TJP2: variants seen among roughly 807,000 people sequenced by gnomAD.
The protein encoded by TJP2 is tight junction protein 2.
TJP2 carries 91 observed loss-of-function variants against 133.1 expected under a neutral mutation model. The ratio of observed to expected loss-of-function variants is 0.68; its 90% CI spans 0.58 to 0.81. The LOEUF is 0.81. Ranked by LOEUF, TJP2 falls within the 40% of genes least tolerant of loss-of-function variation. The pLI is 0.00. For synonymous variants in TJP2, 592 were observed against 583.4 expected (o/e 1.01, Z -0.21); for missense variants, 1,541 against 1,565.6 (o/e 0.98, Z 0.26).
At chr9:69,152,817 CTTTTTTTTTTTTTTTT>C (rs10543289) in intron 2 of TJP2, among the ~76,000 whole-genome samples, 1,823 of 48,128 alleles carry the variant, frequency 0.038, 65 homozygotes, top group African/African-American at 0.12. Flanking sequence ...CTCTGGAGCT[CTTTTTTTTTTTTTTTT>C]TTTTTTTTTT....
chr9:69,244,486 A>G (rs1830791775), intron 17 of TJP2, among the ~76,000 whole-genome samples: 1 of 152,164 alleles, frequency 6.6e-6, no homozygotes, highest in African/African-American at 2.4e-5. Context: ...TTCCCAACTA[A>G]GGCAGTGGCT....
upstream of TJP2, chr9:69,173,966 G>A (rs1824846263): frequency 1.0e-6 from 1 of 985,190 alleles, no homozygotes; most frequent in Admixed American, 6.1e-5. Flanking sequence ...GGGGTGGAGG[G>A]GTGCAGGCGT....
intron 2 of TJP2, among the ~76,000 whole-genome samples, chr9:69,213,854 C>T (rs1035567253): frequency 6.6e-5 from 10 of 152,094 alleles, no homozygotes; most frequent in African/African-American, 2.2e-4. Context: ...AACCAGGTGC[C>T]GGCTGGTGGT....
At chr9:69,238,887 A>G (rs1830387678) in intron 16 of TJP2, 98 bp downstream of exon 16, 1 of 1,089,742 alleles carries the variant, frequency 9.2e-7, no homozygotes, top group South Asian at 1.3e-5. Flanking sequence ...TAATCATTAA[A>G]TGTTAATAAT....
intron 1 of TJP2, among the ~76,000 whole-genome samples, chr9:69,201,052 C>T (rs1826955207): frequency 6.6e-6 from 1 of 152,140 alleles, no homozygotes; most frequent in African/African-American, 2.4e-5. Flanking sequence ...TCTTGGTGGG[C>T]TCTTGTACTT....
At chr9:69,240,883 G>T (rs1830536280) in intron 17 of TJP2, among the ~76,000 whole-genome samples, 1 of 150,718 alleles carries the variant, frequency 6.6e-6, no homozygotes, top group Non-Finnish European at 1.5e-5. Flanking sequence ...TCTTTGTTAG[G>T]TGTGATAATA....
At chr9:69,225,470 A>G (rs1588106626) in intron 6 of TJP2, 63 bp downstream of exon 6, 4 of 1,071,500 alleles carry the variant, frequency 3.7e-6, no homozygotes, top group Non-Finnish European at 5.7e-6. Context: ...GCATGTCCAC[A>G]TTCAGCACCC....
In TJP2 at chr9:69,234,043, C is replaced by T. The variant is rs180785010; in HGVS notation, c.1672-396C>T. Among the ~76,000 whole-genome samples the T allele has an allele frequency of 1.6e-4, 25 of 152,150 alleles. 1 individual carries two copies. The highest frequency in any genetic ancestry group is 1.4e-3 in the Admixed American group (22 of 15,276). Reference sequence around the variant, plus strand: ...GCCAGCATGCTCAGTTGTCACAGACCCCAACACTCCCCATGCTTCATACTT... The same window carrying T: ...GCCAGCATGCTCAGTTGTCACAGACTCCAACACTCCCCATGCTTCATACTT... On this transcript the variant is annotated intron_variant, in intron 11 of 22. Coordinates refer to ENST00000377245, the MANE Select transcript of TJP2 (RefSeq NM_004817.4).
rs1831598795 is a variant in TJP2 at position 69,255,025 on chromosome 9, A to G, written c.*651A>G. 1 of 167,240 alleles carries G rather than the reference A, an allele frequency of 6.0e-6. No individual in the cohort carries two copies. Among genetic ancestry groups the G allele is most frequent in the Non-Finnish European group, 1.3e-5 (1 of 78,120 alleles). The allele number at this position is 167,240 out of a possible 1,614,324, so 10.4% of individuals were successfully genotyped here. On this transcript the variant is annotated 3_prime_UTR_variant, in exon 23 of 23. Transcript: ENST00000377245. ...ACTGTCTATATCATAACTATACTTG[A>G]TAGTTTGGCTATAAGTGCTCAATAG...
At chr9:69,229,794 T>G (rs1325040800) in intron 10 of TJP2, among the ~76,000 whole-genome samples, 1 of 152,238 alleles carries the variant, frequency 6.6e-6, no homozygotes, top group Non-Finnish European at 1.5e-5. Flanking sequence ...TGGAAGAATT[T>G]TAGCCCTAAC....
At chr9:69,172,957 C>T (rs1359391233), upstream of TJP2, among the ~76,000 whole-genome samples, 1 of 152,088 alleles carries the variant, frequency 6.6e-6, no homozygotes, top group African/African-American at 2.4e-5. Context: ...TGTCTAAGTC[C>T]GGAGACTCGA....
chr9:69,231,067 A>C (rs781748294), intron 11 of TJP2, among the ~76,000 whole-genome samples: 5 of 152,062 alleles, frequency 3.3e-5, no homozygotes, highest in Non-Finnish European at 7.4e-5. Context: ...AAGAACATCA[A>C]GTATCTCCTT....
intron 2 of TJP2, among the ~76,000 whole-genome samples, chr9:69,159,120 C>T (rs1823924626): frequency 6.6e-6 from 1 of 151,648 alleles, no homozygotes; most frequent in South Asian, 2.1e-4. Flanking sequence ...ACCTGGGCAA[C>T]ATGGAGAAAC....
intron 17 of TJP2, among the ~76,000 whole-genome samples, chr9:69,243,937 A>G (rs569001206): frequency 8.5e-4 from 129 of 152,240 alleles, no homozygotes; most frequent in African/African-American, 2.7e-3. Flanking sequence ...AAATCCCAGC[A>G]CATTGGGAGG....
In TJP2 at chr9:69,166,760, C is replaced by T. The variant is rs185287239; in HGVS notation, c.-10+14989C>T. ...GATTACAGGCGTGAGCCACCGTGCCCAGCCTTAAAAATATATTTTTTAAAA... is the reference window on the plus strand; with the variant it reads ...GATTACAGGCGTGAGCCACCGTGCCTAGCCTTAAAAATATATTTTTTAAAA... On this transcript the variant is annotated intron_variant, in intron 2 of 5. Coordinates refer to the TJP2 transcript ENST00000423935. 2.9e-3 allele frequency among the ~76,000 whole-genome samples: 438 copies of T among 152,026 alleles called. 2 individuals are homozygous for T. Among genetic ancestry groups the T allele is most frequent in the African/African-American group, 9.9e-3 (413 of 41,508 alleles).
At chr9:69,229,962 G>A in intron 10 of TJP2, 120 bp from the exon 11 acceptor site, 3 of 1,302,810 alleles carry the variant, frequency 2.3e-6, no homozygotes, top group Non-Finnish European at 3.3e-6. Flanking sequence ...AAATGAGAGG[G>A]CTTTGTAAAC....
intron 1 of TJP2, among the ~76,000 whole-genome samples, chr9:69,201,583 T>C (rs1239119723): frequency 6.6e-6 from 1 of 152,150 alleles, no homozygotes; most frequent in Admixed American, 6.5e-5. Flanking sequence ...CATTTGTTCC[T>C]CAGAGCACAT....
intron 18 of TJP2, 62 bp from the exon 19 acceptor site, chr9:69,247,950 T>C (rs554499438): frequency 6.8e-7 from 1 of 1,474,596 alleles, no homozygotes; most frequent in South Asian, 1.4e-5. Context: ...GGAATTTTCT[T>C]GAGTCCCCAC....
At chr9:69,189,296 C>T (rs1564417995) in intron 1 of TJP2, among the ~76,000 whole-genome samples, 2 of 152,166 alleles carry the variant, frequency 1.3e-5, no homozygotes, top group East Asian at 1.9e-4. Context: ...TCTCCACATA[C>T]AAATTTTGCT....
Sources: gnomAD v4.1 joint callset for allele counts (sites outside exome capture counted in the v4.1 genomes callset) on GRCh38, gnomAD v4.1.1 for gene constraint, MANE v1.5 for transcripts, NCBI Gene and HGNC (gene_info 2026-07-23, HGNC 2026-07-21) for gene names.